Variants in FBRSL1 observed in about 807,000 individuals in gnomAD.
The protein encoded by FBRSL1 is fibrosin-1-like protein.
FBRSL1 carries 51 observed loss-of-function variants against 89.6 expected under a neutral mutation model. The observed-to-expected ratio is 0.57, with a 90% CI of 0.45 to 0.72. FBRSL1 has a LOEUF of 0.72. Ranked by LOEUF, FBRSL1 falls within the 30% of genes least tolerant of loss-of-function variation. FBRSL1 has a pLI of 0.00. For missense variants in FBRSL1, 1,618 were observed against 1,451.8 expected, an observed-to-expected ratio of 1.11 and a Z score of -1.86; for synonymous variants, 779 against 681.1, an observed-to-expected ratio of 1.14 and a Z score of -2.24.
Position 132,523,294 on chromosome 12 carries a change from C to T in FBRSL1, c.490-2440C>T, listed in dbSNP as rs2035519805. 2.0e-5 allele frequency among the ~76,000 whole-genome samples: 3 copies of T among 152,138 alleles called. No individual in the cohort carries two copies. In the South Asian group the frequency reaches 6.2e-4, roughly 31 times the overall value. ...AGTGGGGTGACCAGGACACAGATTC[C>T]CAGTTCTACAGGGTTTTTCGAGACG... On this transcript the variant is annotated intron_variant, in intron 2 of 18. Coordinates refer to ENST00000680143, the MANE Select transcript of FBRSL1 (RefSeq NM_001367871.1).
In FBRSL1 at chr12:132,570,191, C is replaced by T. The variant is rs773449341; in HGVS notation, c.957C>T (p.Gly319=). The T allele has an allele frequency of 9.3e-6, 14 of 1,505,496 alleles. No homozygotes were observed. In the East Asian group the frequency reaches 1.6e-4, roughly 17 times the overall value. 93.3% of individuals were successfully genotyped at this position (1,505,496 alleles called of 1,614,324 possible). A position where few individuals can be genotyped will look rare whatever the true frequency, so the allele number is the denominator to read the frequency against. ...CGACACACGTGCCTGCATCCCTGGG[C>T]GCCTTCGCGGGCCACAGCCAGGCGG... is the stretch of plus-strand genomic sequence containing the variant. ...LLPTHVPASL[G]AFAGHSQAAA... Residue 319 remains glycine (G), a synonymous_variant, in exon 7 of 19, where the codon GGC becomes GGT. Transcript: ENST00000680143.
chr12:132,527,357 C>T (rs1245360395), intron 3 of FBRSL1, among the ~76,000 whole-genome samples: 2 of 152,226 alleles, frequency 1.3e-5, no homozygotes, highest in African/African-American at 4.8e-5. Flanking sequence ...TAGCCAAGGG[C>T]GTCCCTGTGG....
chr12:132,559,533 A>T (rs1015907980), intron 5 of FBRSL1, among the ~76,000 whole-genome samples: 3 of 151,640 alleles, frequency 2.0e-5, no homozygotes, highest in Non-Finnish European at 4.4e-5. Context: ...CTGGGGCCAC[A>T]GGCGCGTGCC....
At chr12:132,527,884 G>A in intron 3 of FBRSL1, 69 bp from the exon 4 acceptor site, 1 of 1,452,174 alleles carries the variant, frequency 6.9e-7, no homozygotes, top group Non-Finnish European at 9.5e-7. Context: ...CAGGGCAGCT[G>A]TCGGGTGCAT....
Position 132,508,239 on chromosome 12 carries a change from C to G in FBRSL1, c.378C>G (p.Pro126=), listed in dbSNP as rs1375392550. The part of the protein sequence containing the change: ...IKKPRESETC[P]PAEPSENRRP... ...AGCCCCGGGAGTCGGAAACCTGCCC[C>G]CCTGCGGAGCCCAGTGAGAACAGGC... The change falls in exon 2 of 19, where the codon CCC becomes CCG. Residue 126 remains proline, a synonymous_variant. Coordinates refer to ENST00000680143, the MANE Select transcript of FBRSL1 (RefSeq NM_001367871.1). The G allele has an allele frequency of 1.9e-6, 3 of 1,550,986 alleles. No homozygotes were observed. The highest frequency in any genetic ancestry group is 1.7e-4 in the Middle Eastern group (1 of 5,976).
chr12:132,557,779 T>C (rs570385024), intron 5 of FBRSL1, among the ~76,000 whole-genome samples: 23 of 152,300 alleles, frequency 1.5e-4, no homozygotes, highest in South Asian at 1.2e-3. Flanking sequence ...GGGTCTCCAG[T>C]CAGCAGGGAG....
At chr12:132,511,069 T>C (rs2034281523) in intron 2 of FBRSL1, 1 of 985,636 alleles carries the variant, frequency 1.0e-6, no homozygotes, top group Non-Finnish European at 1.2e-6. Context: ...TGGGTTTCAG[T>C]CCAGGCCCTC....
intron 1 of FBRSL1, among the ~76,000 whole-genome samples, chr12:132,507,552 G>A (rs1445539726): frequency 6.6e-6 from 1 of 152,158 alleles, no homozygotes; most frequent in Non-Finnish European, 1.5e-5. Context: ...GGGGAGGCCA[G>A]CAGGTTTACA....
chr12:132,579,154 C>T (rs1484804670), intron 15 of FBRSL1, among the ~76,000 whole-genome samples: 1 of 152,232 alleles, frequency 6.6e-6, no homozygotes, highest in Admixed American at 6.5e-5. Flanking sequence ...GCTGCCTCCT[C>T]CATCTCCTTG....
At chr12:132,533,112 C>A (rs187732507) in intron 4 of FBRSL1, among the ~76,000 whole-genome samples, 3,054 of 151,170 alleles carry the variant, frequency 0.02, 67 homozygotes, top group Middle Eastern at 0.043. Context: ...TCCCTGGAGT[C>A]AGAGAGCTGC....
intron 1 of FBRSL1, 137 bp from the exon 2 acceptor site, chr12:132,508,016 A>G (rs2033893651): frequency 2.4e-6 from 2 of 820,414 alleles, no homozygotes; most frequent in African/African-American, 3.5e-5. Flanking sequence ...GTCCCACAGC[A>G]GCCATCTTCC....
intron 10 of FBRSL1, 88 bp downstream of exon 10, chr12:132,572,432 C>G: frequency 1.3e-6 from 2 of 1,508,368 alleles, no homozygotes; most frequent in Non-Finnish European, 1.8e-6. Flanking sequence ...CTCGCCTGGC[C>G]TCGCCCCTGC....
At chr12:132,509,180 AG>A in intron 2 of FBRSL1, 1 of 1,245,320 alleles carries the variant, frequency 8.0e-7, no homozygotes, top group Non-Finnish European at 1.0e-6. Context: ...GCTCCCCAGA[AG>A]GGGGGCCGCT....
At chr12:132,535,925 G>C (rs1291836006) in intron 4 of FBRSL1, among the ~76,000 whole-genome samples, 1 of 149,920 alleles carries the variant, frequency 6.7e-6, no homozygotes, top group African/African-American at 2.5e-5. Context: ...ATGATGGTGT[G>C]TGTGAGTGCA....
chr12:132,522,344 C>G (rs916352014), intron 2 of FBRSL1, among the ~76,000 whole-genome samples: 1 of 144,690 alleles, frequency 6.9e-6, no homozygotes. Flanking sequence ...CAGCCTGGAG[C>G]TGGGGGACGG....
At chr12:132,551,636 G>A (rs1421063433) in intron 5 of FBRSL1, 1 of 454,000 alleles carries the variant, frequency 2.2e-6, no homozygotes, top group African/African-American at 2.0e-5. Context: ...CAATCAAGGT[G>A]GAGACTTTGG....
chr12:132,500,421 C>T (rs894835389), intron 1 of FBRSL1, among the ~76,000 whole-genome samples: 1 of 152,172 alleles, frequency 6.6e-6, no homozygotes, highest in Non-Finnish European at 1.5e-5. Flanking sequence ...CAGGCAAGGG[C>T]TGGAGGCTGG....
Position 132,583,143 on chromosome 12 carries a change from G to C in FBRSL1, c.2374G>C (p.Glu792Gln), listed in dbSNP as rs1274177556. Residue 792 changes from glutamate to glutamine, a missense_variant, in exon 19 of 19, where the codon GAG becomes CAG. Physicochemically the swap from Glu to Gln is conservative, Grantham distance 29. Coordinates refer to ENST00000680143, the MANE Select transcript of FBRSL1 (RefSeq NM_001367871.1). ...GGAGAGCCGCTCCCCGGCCAAGGAG[G>C]AGGCCGCCAAGATGCCCGCGCGCGC... ...VKESRSPAKE[E>Q]AAKMPARASP... is the part of the protein sequence containing the mutation. 1 of 1,465,374 alleles carries C rather than the reference G, an allele frequency of 6.8e-7. No homozygotes were observed. The highest frequency in any genetic ancestry group is 9.0e-7 in the Non-Finnish European group (1 of 1,112,920). 90.8% of individuals were successfully genotyped at this position (1,465,374 alleles called of 1,614,324 possible).
At chr12:132,545,972 C>T (rs967021996) in intron 4 of FBRSL1, among the ~76,000 whole-genome samples, 1 of 152,184 alleles carries the variant, frequency 6.6e-6, no homozygotes, top group Non-Finnish European at 1.5e-5. Context: ...CCTGTCCCAC[C>T]TCCAGGGCGC....
Sources: gnomAD v4.1 joint callset for allele counts (sites outside exome capture counted in the v4.1 genomes callset) on GRCh38, gnomAD v4.1.1 for gene constraint, MANE v1.5 for transcripts, NCBI Gene and HGNC (gene_info 2026-07-23, HGNC 2026-07-21) for gene names.